Variants in TACC1 observed in about 807,000 individuals in gnomAD.
The protein encoded by TACC1 is transforming acidic coiled-coil-containing protein 1.
A neutral mutation model predicts 84.4 loss-of-function variants in TACC1; 48 were observed. That is an observed-to-expected ratio of 0.57 (90% CI 0.45 to 0.72). The LOEUF (loss-of-function observed/expected upper bound fraction) is 0.72, where lower values mean the gene tolerates loss of function less well. TACC1 is among the 30% of genes least tolerant of loss of function. The pLI is 0.00. For missense variants in TACC1, 920 were observed against 973.0 expected (o/e 0.95, Z 0.72); for synonymous variants, 372 against 376.3 (o/e 0.99, Z 0.13).
At chr8:38,764,089 C>CT in intron 3 of TACC1, among the ~76,000 whole-genome samples, 1 of 152,138 alleles carries the variant, frequency 6.6e-6, no homozygotes, top group African/African-American at 2.4e-5. Flanking sequence ...CTTTTCTTTT[C>CT]TTTTTTGAGA....
At chr8:38,733,356 C>T (rs1202760141) in intron 1 of TACC1, among the ~76,000 whole-genome samples, 1 of 151,598 alleles carries the variant, frequency 6.6e-6, no homozygotes, top group Non-Finnish European at 1.5e-5. Context: ...TGATGTTTAG[C>T]AAACTGTTTG....
Position 38,787,682 on chromosome 8 carries a change from G to T in TACC1, c.100G>T (p.Gly34Trp). 6.5e-6 allele frequency: 10 copies of T among 1,544,480 alleles called. No individual in the cohort carries two copies. Among genetic ancestry groups the T allele is most frequent in the East Asian group, 2.4e-5 (1 of 40,978 alleles). Residue 34 changes from glycine (G) to tryptophan (W), a missense_variant, in exon 1 of 13, where the codon GGG becomes TGG. Around this residue, in one of 2 missense-constraint regions of TACC1, gnomAD observed 762 missense variants for 747.3 expected, o/e 1.02. Coordinates refer to ENST00000317827, the MANE Select transcript of TACC1 (RefSeq NM_006283.3). ...GGAAGEDEAG[G>W]PEGDPEEEDS... ...GGCCGCCGGCGAGGACGAGGCTGGCGGGCCCGAGGGCGACCCCGAGGAGGA... is the reference window on the plus strand; with the variant it reads ...GGCCGCCGGCGAGGACGAGGCTGGCTGGCCCGAGGGCGACCCCGAGGAGGA...
In TACC1 at chr8:38,844,476, A is replaced by G. The variant is rs146666989; in HGVS notation, c.2228+1081A>G. On this transcript the variant is annotated intron_variant, in intron 11 of 12. Coordinates refer to ENST00000317827, the MANE Select transcript of TACC1 (RefSeq NM_006283.3). ...GGTGTGAGCCACCGCGCCCAGCCCC[A>G]GAGCATTTATTTTAATCAATGTAAT... Among the ~76,000 whole-genome samples the G allele has an allele frequency of 6.3e-3, 965 of 152,268 alleles. 44 individuals are homozygous for G. Among genetic ancestry groups the G allele is most frequent in the Admixed American group, 0.056 (859 of 15,292 alleles).
intron 2 of TACC1, among the ~76,000 whole-genome samples, chr8:38,797,364 A>T (rs1256064852): frequency 6.6e-6 from 1 of 152,224 alleles, no homozygotes; most frequent in African/African-American, 2.4e-5. Flanking sequence ...GCATGAAAGG[A>T]TATACAAGGG....
At chr8:38,821,231 G>C (rs569756552) in intron 3 of TACC1, among the ~76,000 whole-genome samples, 116 of 152,088 alleles carry the variant, frequency 7.6e-4, no homozygotes, top group African/African-American at 2.5e-3. Context: ...GCATGAGATA[G>C]ACAGGTAGAG....
chr8:38,820,469 C>T lies in TACC1; in HGVS notation c.1225C>T (p.Leu409Phe), dbSNP rs1826514060. ...CTCTGTTCTGCAGAACTCCCCACCC[C>T]TCTCTTCTGAGGGCTCCTACCACTT... is the stretch of plus-strand genomic sequence containing the variant. The part of the protein sequence containing the change: ...SHSVLQNSPP[L>F]SSEGSYHFDP... Residue 409 changes from leucine to phenylalanine, a missense_variant, in exon 3 of 13, where the codon CTC becomes TTC. Coordinates refer to ENST00000317827, the MANE Select transcript of TACC1 (RefSeq NM_006283.3). The T allele has an allele frequency of 6.2e-6, 10 of 1,614,220 alleles. No homozygotes were observed. The highest frequency in any genetic ancestry group is 8.5e-6 in the Non-Finnish European group (10 of 1,180,032).
chr8:38,751,058 A>G (rs1808941036), intron 3 of TACC1, among the ~76,000 whole-genome samples: 1 of 152,228 alleles, frequency 6.6e-6, no homozygotes, highest in South Asian at 2.1e-4. Context: ...TGAAGGAATG[A>G]ACCAATTTTA....
At position 38,823,994 on chromosome 8, in the gene TACC1, A is replaced by G. The variant is rs771701526; in HGVS notation, c.1392-1314A>G. On this transcript the variant is annotated intron_variant, in intron 3 of 12. Coordinates refer to ENST00000317827, the MANE Select transcript of TACC1 (RefSeq NM_006283.3). ...CTAATTTTGTTGGTGCATCAGGACTACTGAACAAGTGAAATTTCTCTGTTT... is the reference window on the plus strand; with the variant it reads ...CTAATTTTGTTGGTGCATCAGGACTGCTGAACAAGTGAAATTTCTCTGTTT... The G allele has an allele frequency of 3.7e-6, 5 of 1,351,932 alleles. No individual in the cohort carries two copies. In the East Asian group the frequency reaches 2.3e-4, roughly 61 times the overall value. The allele number at this position is 1,351,932 out of a possible 1,614,324, so 83.7% of individuals were successfully genotyped here.
At chr8:38,809,944 T>C (rs1377354635) in intron 2 of TACC1, among the ~76,000 whole-genome samples, 3 of 151,930 alleles carry the variant, frequency 2.0e-5, no homozygotes, top group Non-Finnish European at 4.4e-5. Flanking sequence ...TGTTTAGGAG[T>C]CCATGACAAA....
chr8:38,791,750 T>G (rs573751889), intron 2 of TACC1, among the ~76,000 whole-genome samples: 1 of 152,202 alleles, frequency 6.6e-6, no homozygotes, highest in Non-Finnish European at 1.5e-5. Flanking sequence ...ACTAAATCAT[T>G]CTGGAAGAAT....
In TACC1 at chr8:38,794,724, A is replaced by G. The variant is rs1281476675; in HGVS notation, c.277+5905A>G. 2.0e-5 allele frequency among the ~76,000 whole-genome samples: 3 copies of G among 152,192 alleles called. No homozygotes were observed. The South Asian group carries it at 6.2e-4, about 32-fold the overall frequency. On this transcript the variant is annotated intron_variant, in intron 2 of 12. Coordinates refer to ENST00000317827, the MANE Select transcript of TACC1 (RefSeq NM_006283.3). Reference sequence around the variant, plus strand: ...ATATTGAAGTGTTCCATTCAAGTCTACAAGTATATCCTCCTAAGGATTTAG... The same window carrying G: ...ATATTGAAGTGTTCCATTCAAGTCTGCAAGTATATCCTCCTAAGGATTTAG...
At chr8:38,756,932 G>C (rs1399877930) in intron 3 of TACC1, among the ~76,000 whole-genome samples, 1 of 152,192 alleles carries the variant, frequency 6.6e-6, no homozygotes. Flanking sequence ...TCCAGCCCCG[G>C]ACCCAGCGGG....
At chr8:38,747,082 T>C (rs575515433) in intron 3 of TACC1, among the ~76,000 whole-genome samples, 1 of 152,228 alleles carries the variant, frequency 6.6e-6, no homozygotes, top group South Asian at 2.1e-4. Context: ...GATACACAGA[T>C]GCCAAAAAAT....
At chr8:38,748,168 T>C (rs983884176) in intron 3 of TACC1, among the ~76,000 whole-genome samples, 1 of 152,064 alleles carries the variant, frequency 6.6e-6, no homozygotes, top group Non-Finnish European at 1.5e-5. Flanking sequence ...AGTGGCTACA[T>C]TAGTATCAAA....
chr8:38,821,983 G>T (rs1826917954), intron 3 of TACC1, among the ~76,000 whole-genome samples: 1 of 152,108 alleles, frequency 6.6e-6, no homozygotes, highest in African/African-American at 2.4e-5. Context: ...CACTTTGGGA[G>T]GCCAAGGTGG....
chr8:38,773,570 C>G (rs1196984146), intron 3 of TACC1, among the ~76,000 whole-genome samples: 1 of 151,720 alleles, frequency 6.6e-6, no homozygotes, highest in Non-Finnish European at 1.5e-5. Flanking sequence ...ATCTATCTAT[C>G]TAGCTAGCTA....
intron 1 of TACC1, among the ~76,000 whole-genome samples, chr8:38,739,048 G>T (rs1365745576): frequency 6.6e-6 from 1 of 152,050 alleles, no homozygotes; most frequent in African/African-American, 2.4e-5. Flanking sequence ...CTGCCAACAT[G>T]CCCGGCTAAT....
intron 2 of TACC1, among the ~76,000 whole-genome samples, chr8:38,804,843 T>TC (rs1375998346): frequency 6.6e-6 from 1 of 152,154 alleles, no homozygotes; most frequent in Non-Finnish European, 1.5e-5. Context: ...GCCCAAGTGA[T>TC]CCCCCCTACT....
chr8:38,835,885 G>A (rs1050086918), intron 6 of TACC1, among the ~76,000 whole-genome samples: 4 of 152,174 alleles, frequency 2.6e-5, no homozygotes, highest in African/African-American at 4.8e-5. Flanking sequence ...GTGACTGACC[G>A]CTATTATAAG....
Sources: allele counts gnomAD v4.1 joint callset (sites outside exome capture counted in the v4.1 genomes callset), GRCh38; gene constraint gnomAD v4.1.1; regional missense constraint gnomAD v4.1.1; transcripts MANE v1.5; gene names NCBI Gene and HGNC (gene_info 2026-07-23, HGNC 2026-07-21).